DCC: variants seen among roughly 807,000 people sequenced by gnomAD.
DCC encodes the protein DCC netrin 1 receptor, also known as netrin receptor DCC.
DCC carries 58 observed loss-of-function variants against 172.5 expected under a neutral mutation model. The ratio of observed to expected loss-of-function variants is 0.34; its 90% CI spans 0.27 to 0.42. DCC has a LOEUF of 0.42. Ranked by LOEUF, DCC falls within the 10% of genes least tolerant of loss-of-function variation. DCC has a pLI of 1.00. For synonymous variants in DCC, 709 were observed against 644.5 expected (o/e 1.10, Z -1.52); for missense variants, 1,740 against 1,791.0 (o/e 0.97, Z 0.51).
In DCC at chr18:53,050,242, C is replaced by T. The variant is rs1327617892; in HGVS notation, c.986-13063C>T. ...GGTCTTCCTGAGGGTGGGTCTTCCTCTCCCAGTACACTGACTCAAATGTTA... is the reference window on the plus strand; with the variant it reads ...GGTCTTCCTGAGGGTGGGTCTTCCTTTCCCAGTACACTGACTCAAATGTTA... On this transcript the variant is annotated intron_variant, in intron 5 of 28. Coordinates refer to ENST00000442544, the MANE Select transcript of DCC (RefSeq NM_005215.4). 5.3e-5 allele frequency among the ~76,000 whole-genome samples: 8 copies of T among 152,062 alleles called. 1 individual carries two copies.
intron 19 of DCC, among the ~76,000 whole-genome samples, 192 bp from the exon 20 acceptor site, chr18:53,410,260 C>G (rs72933440): frequency 0.093 from 14,069 of 152,094 alleles, 856 homozygotes; most frequent in East Asian, 0.21. Flanking sequence ...TTTTCTGATT[C>G]TGTACATTGC....
chr18:53,043,965 A>G (rs1169447484), intron 5 of DCC, among the ~76,000 whole-genome samples: 1 of 151,908 alleles, frequency 6.6e-6, no homozygotes. Flanking sequence ...AATTGCCTAA[A>G]AATGCTAGAA....
intron 23 of DCC, among the ~76,000 whole-genome samples, chr18:53,456,040 A>G (rs1043446620): frequency 6.6e-6 from 1 of 152,216 alleles, no homozygotes; most frequent in Non-Finnish European, 1.5e-5. Context: ...CTGAATTATC[A>G]CAAAGGGAGC....
intron 5 of DCC, among the ~76,000 whole-genome samples, chr18:52,992,596 AATAG>A: frequency 6.6e-6 from 1 of 152,292 alleles, no homozygotes; most frequent in African/African-American, 2.4e-5. Flanking sequence ...ACTGATTCTT[AATAG>A]ATAAAGAGTT....
At chr18:53,495,189 C>T (rs924939040) in intron 26 of DCC, among the ~76,000 whole-genome samples, 7 of 151,980 alleles carry the variant, frequency 4.6e-5, no homozygotes, top group African/African-American at 1.7e-4. Context: ...GTCAGGAGTT[C>T]AAGACCAGCC....
At chr18:52,956,900 A>G (rs746790108) in intron 5 of DCC, among the ~76,000 whole-genome samples, 1 of 152,182 alleles carries the variant, frequency 6.6e-6, no homozygotes, top group African/African-American at 2.4e-5. Flanking sequence ...ATGGACTTCA[A>G]TGAAACAGGC....
intron 1 of DCC, among the ~76,000 whole-genome samples, chr18:52,683,184 A>G (rs1038485586): frequency 6.6e-6 from 1 of 152,102 alleles, no homozygotes; most frequent in Non-Finnish European, 1.5e-5. Flanking sequence ...GTTTGACCTC[A>G]AGCCACTTTT....
intron 14 of DCC, among the ~76,000 whole-genome samples, chr18:53,332,765 G>A (rs561082140): frequency 4.1e-4 from 61 of 148,814 alleles, no homozygotes; most frequent in African/African-American, 1.3e-3. Flanking sequence ...CAGGAGTGGT[G>A]GATACCAAAA....
rs183474571 is a variant in DCC, at chr18:53,262,563, A to G, written c.1912-43015A>G. On this transcript the variant is annotated intron_variant, in intron 12 of 28. Coordinates refer to ENST00000442544, the MANE Select transcript of DCC (RefSeq NM_005215.4). ...CATATTTAAAACATGCAGTGAGCAT[A>G]GTTCCTCAGAAAGGTGATCCAACTC... Among the ~76,000 whole-genome samples the G allele has an allele frequency of 1.7e-3, 256 of 152,360 alleles. 1 individual carries two copies. Among genetic ancestry groups the G allele is most frequent in the African/African-American group, 6.1e-3 (252 of 41,590 alleles).
intron 5 of DCC, among the ~76,000 whole-genome samples, chr18:52,976,552 T>C (rs1371502465): frequency 6.6e-6 from 1 of 152,228 alleles, no homozygotes. Context: ...CTTCAATATA[T>C]GAACTTTGCA....
intron 5 of DCC, among the ~76,000 whole-genome samples, chr18:52,934,182 G>A (rs1472506245): frequency 6.6e-6 from 1 of 151,888 alleles, no homozygotes; most frequent in Non-Finnish European, 1.5e-5. Flanking sequence ...ATTATGGCGC[G>A]ATTGATATAA....
intron 1 of DCC, among the ~76,000 whole-genome samples, chr18:52,351,799 A>G (rs1984133656): frequency 1.3e-5 from 2 of 152,094 alleles, no homozygotes; most frequent in Non-Finnish European, 2.9e-5. Context: ...TTTTGTCCCT[A>G]TTACTATTTC....
intron 1 of DCC, among the ~76,000 whole-genome samples, chr18:52,494,264 ATGTGTGTGTG>A (rs10633986): frequency 6.1e-5 from 9 of 147,530 alleles, no homozygotes; most frequent in Non-Finnish European, 1.1e-4. Context: ...ATGGTTTGTG[ATGTGTGTGTG>A]TGTGTGTGTG....
At chr18:53,378,637 A>G (rs1257261692) in intron 15 of DCC, among the ~76,000 whole-genome samples, 1 of 152,210 alleles carries the variant, frequency 6.6e-6, no homozygotes, top group Non-Finnish European at 1.5e-5. Flanking sequence ...ACATTCAGCA[A>G]TTCAACAAAT....
chr18:52,541,028 C>G (rs551254587), intron 1 of DCC, among the ~76,000 whole-genome samples: 1 of 152,274 alleles, frequency 6.6e-6, no homozygotes, highest in Non-Finnish European at 1.5e-5. Flanking sequence ...TCCTAAAAGT[C>G]TTCTCAAAGT....
chr18:52,629,733 G>A (rs1325317621), intron 1 of DCC, among the ~76,000 whole-genome samples: 5 of 151,854 alleles, frequency 3.3e-5, no homozygotes, highest in African/African-American at 7.3e-5. Context: ...GGCAGATCAC[G>A]AGGTCAGGCG....
intron 27 of DCC, among the ~76,000 whole-genome samples, chr18:53,520,280 C>G (rs2046385449): frequency 6.6e-6 from 1 of 152,088 alleles, no homozygotes; most frequent in Non-Finnish European, 1.5e-5. Context: ...TGTCCAGTAT[C>G]CTGTTTGGAT....
intron 1 of DCC, among the ~76,000 whole-genome samples, chr18:52,590,394 G>A (rs1022788968): frequency 3.3e-5 from 5 of 152,122 alleles, no homozygotes; most frequent in Non-Finnish European, 7.4e-5. Context: ...TCAGCCAAAA[G>A]ATAGACACAT....
chr18:53,014,796 C>T (rs911060893), intron 5 of DCC, among the ~76,000 whole-genome samples: 1 of 152,074 alleles, frequency 6.6e-6, no homozygotes, highest in African/African-American at 2.4e-5. Flanking sequence ...GCTGCATAAA[C>T]ATCTGAAGCT....
Sources: gnomAD v4.1 joint callset for allele counts (sites outside exome capture counted in the v4.1 genomes callset) on GRCh38, gnomAD v4.1.1 for gene constraint, MANE v1.5 for transcripts, NCBI Gene and HGNC (gene_info 2026-07-23, HGNC 2026-07-21) for gene names.